Variants in NSMAF observed in about 807,000 individuals in gnomAD.
The protein encoded by NSMAF is neutral sphingomyelinase activation associated factor.
Under a neutral mutation model 134.9 loss-of-function variants are expected in NSMAF, and 90 were observed. The ratio of observed to expected loss-of-function variants is 0.67; its 90% CI spans 0.56 to 0.79. The LOEUF is 0.79. Among genes scored for constraint, NSMAF ranks in the 30% least tolerant of loss-of-function variants. The pLI is 0.00. For synonymous variants in NSMAF, 358 were observed against 389.6 expected (o/e 0.92, Z 0.96); for missense variants, 1,010 against 1,119.0 (o/e 0.90, Z 1.39).
chr8:58,585,179 A>G lies in NSMAF; in HGVS notation c.2659+473T>C, dbSNP rs1805854546. Among the ~76,000 whole-genome samples, 4 of 152,332 alleles carry G rather than the reference A, an allele frequency of 2.6e-5. No individual in the cohort carries two copies. In the South Asian group the frequency reaches 8.3e-4, roughly 32 times the overall value. ...AGAACAGTTTATTATACTTCACATAAACAATTTAATACACATATACCCTCT... is the reference window on the plus strand; with the variant it reads ...AGAACAGTTTATTATACTTCACATAGACAATTTAATACACATATACCCTCT... On this transcript the variant is annotated intron_variant, in intron 30 of 30. Coordinates refer to ENST00000038176, the MANE Select transcript of NSMAF (RefSeq NM_003580.4).
At chr8:58,601,174 AT>A (rs1016883449) in intron 16 of NSMAF, 110 bp downstream of exon 16, 24 of 914,912 alleles carry the variant, frequency 2.6e-5, no homozygotes, top group Non-Finnish European at 4.0e-5. Flanking sequence ...ACAATTAGTG[AT>A]TTTTTACATT....
intron 23 of NSMAF, among the ~76,000 whole-genome samples, chr8:58,593,285 C>T (rs892120683): frequency 2.0e-5 from 3 of 152,128 alleles, no homozygotes; most frequent in African/African-American, 7.2e-5. Context: ...CACTTCTATG[C>T]TTTGTGGAAA....
At chr8:58,624,880 C>T (rs768643372) in intron 6 of NSMAF, among the ~76,000 whole-genome samples, 3 of 152,182 alleles carry the variant, frequency 2.0e-5, no homozygotes, top group Non-Finnish European at 4.4e-5. Context: ...CTATCTATTT[C>T]TCCCTTCAGT....
intron 2 of NSMAF, among the ~76,000 whole-genome samples, chr8:58,641,045 C>T (rs920526076): frequency 1.3e-5 from 2 of 152,082 alleles, no homozygotes; most frequent in Non-Finnish European, 2.9e-5. Context: ...CCTCAGTCTC[C>T]CAAGTAGCTG....
chr8:58,635,670 T>C, intron 2 of NSMAF, 124 bp from the exon 3 acceptor site: 1 of 603,680 alleles, frequency 1.7e-6, no homozygotes, highest in African/African-American at 1.9e-5. Flanking sequence ...ATAATGCATA[T>C]AAAGAGAACG....
intron 13 of NSMAF, 113 bp from the exon 14 acceptor site, chr8:58,602,250 C>A: frequency 1.4e-6 from 1 of 726,812 alleles, no homozygotes. Flanking sequence ...AAATTGAGAG[C>A]AATCCATGAG....
Position 58,599,243 on chromosome 8 carries a change from C to A in NSMAF, c.1574G>T (p.Gly525Val), listed in dbSNP as rs1321146654. 1 of 1,613,174 alleles carries A rather than the reference C, an allele frequency of 6.2e-7. No individual in the cohort carries two copies. The change falls in exon 19 of 31, where the codon GGG (glycine) becomes GTG (valine). Residue 525 changes from glycine to valine, a missense_variant. By Grantham distance (109) the Gly-to-Val change is moderately radical. Transcript: ENST00000038176. The stretch of plus-strand genomic sequence containing the variant: ...TGAATATTACATACCATTATGGGCC[C>A]CAACTGCATCACTCCCTTTTTGTTT... Reference protein sequence around the residue: ...GYKQKGSDAVGAHNVFHPLTY... With the variant: ...GYKQKGSDAVVAHNVFHPLTY...
In NSMAF at chr8:58,607,749, A is replaced by G. The variant is rs1806439785; in HGVS notation, c.759+20T>C. The G allele has an allele frequency of 6.2e-7, 1 of 1,602,190 alleles. No homozygotes were observed. The highest frequency in any genetic ancestry group is 1.1e-5 in the South Asian group (1 of 90,862). On this transcript the variant is annotated intron_variant, in intron 11 of 30. Transcript: ENST00000038176. ...GAAAGTGTGACAATCATGCCCCAGC[A>G]CAGCCTCCCAAGGACTCACCAGAGG...
rs1022377876 is a variant in NSMAF at position 58,630,303 on chromosome 8, C to T, written c.384+1193G>A. On this transcript the variant is annotated intron_variant, in intron 6 of 30. Coordinates refer to ENST00000038176, the MANE Select transcript of NSMAF (RefSeq NM_003580.4). Reference sequence around the variant, plus strand: ...TCCTATTCTGCCATCTTGCTGCTGTCATTCCACCTCACCCTTTTTTTTTTT... The same window carrying T: ...TCCTATTCTGCCATCTTGCTGCTGTTATTCCACCTCACCCTTTTTTTTTTT... Among the ~76,000 whole-genome samples the T allele has an allele frequency of 2.0e-5, 3 of 151,732 alleles. No individual in the cohort carries two copies. In the East Asian group the frequency reaches 5.8e-4, roughly 29 times the overall value.
At chr8:58,594,357 T>C in intron 22 of NSMAF, 67 bp from the exon 23 acceptor site, 1 of 1,383,782 alleles carries the variant, frequency 7.2e-7, no homozygotes. Flanking sequence ...TTGTTTCATA[T>C]CCTTGATTTA....
chr8:58,655,126 A>C (rs1262330234), intron 1 of NSMAF, among the ~76,000 whole-genome samples: 1 of 152,026 alleles, frequency 6.6e-6, no homozygotes, highest in Non-Finnish European at 1.5e-5. Context: ...GGCATGAGGC[A>C]CCACACCTGG....
chr8:58,587,784 G>A, intron 26 of NSMAF, 83 bp from the exon 27 acceptor site: 1 of 1,148,778 alleles, frequency 8.7e-7, no homozygotes, highest in African/African-American at 1.5e-5. Context: ...AAACTCCTAT[G>A]CTCAATTTCC....
At chr8:58,608,069 C>A (rs1224389591) in intron 10 of NSMAF, among the ~76,000 whole-genome samples, 1 of 152,192 alleles carries the variant, frequency 6.6e-6, no homozygotes, top group Non-Finnish European at 1.5e-5. Flanking sequence ...TGGCACCCTG[C>A]AAATGATAAT....
At chr8:58,620,207 A>T (rs1806753933) in intron 9 of NSMAF, among the ~76,000 whole-genome samples, 1 of 152,238 alleles carries the variant, frequency 6.6e-6, no homozygotes, top group East Asian at 1.9e-4. Context: ...TTGCAACTTG[A>T]AGTCTCAGGA....
chr8:58,648,998 A>G (rs1183060661), intron 1 of NSMAF, among the ~76,000 whole-genome samples: 1 of 152,228 alleles, frequency 6.6e-6, no homozygotes, highest in Non-Finnish European at 1.5e-5. Context: ...AGACTCAACA[A>G]TGGTAGAGCC....
chr8:58,647,939 C>A (rs548186002), intron 1 of NSMAF, among the ~76,000 whole-genome samples: 1 of 152,172 alleles, frequency 6.6e-6, no homozygotes, highest in African/African-American at 2.4e-5. Context: ...AACAGGGTAA[C>A]AGGCAGAAGC....
In NSMAF at chr8:58,584,023, C is replaced by T. The variant is rs1357148589; in HGVS notation, c.*83G>A. The T allele has an allele frequency of 9.6e-7, 1 of 1,046,332 alleles. No homozygotes were observed. Among genetic ancestry groups the T allele is most frequent in the Non-Finnish European group, 1.5e-6 (1 of 669,966 alleles). The allele number at this position is 1,046,332 out of a possible 1,614,324, so 64.8% of individuals were successfully genotyped here. A position where few individuals can be genotyped will look rare whatever the true frequency, so the allele number is the denominator to read the frequency against. ...GTAAAACTTCTAATTACTAACATTG[C>T]ACATTCACCAGTCCGTTTAAAAGTT... On this transcript the variant is annotated 3_prime_UTR_variant, in exon 31 of 31. Coordinates refer to ENST00000038176, the MANE Select transcript of NSMAF (RefSeq NM_003580.4).
At chr8:58,645,914 G>A (rs1165262657) in intron 1 of NSMAF, among the ~76,000 whole-genome samples, 9 of 152,120 alleles carry the variant, frequency 5.9e-5, no homozygotes, top group East Asian at 1.9e-4. Flanking sequence ...GGTGGCGGGC[G>A]CCTATAATCC....
chr8:58,623,987 G>A lies in NSMAF; in HGVS notation c.385-207C>T, dbSNP rs1482964258. Among the ~76,000 whole-genome samples, 3 of 150,552 alleles carry A rather than the reference G, an allele frequency of 2.0e-5. No individual in the cohort carries two copies. The East Asian group carries it at 5.8e-4, about 29-fold the overall frequency. On this transcript the variant is annotated intron_variant, in intron 6 of 30. Coordinates refer to ENST00000038176, the MANE Select transcript of NSMAF (RefSeq NM_003580.4). ...TATTTCCTTCCTTCTTCTAACTTTG[G>A]GTTTAGTTTGCCCTTCTTGTTCCAA...
Sources: allele counts gnomAD v4.1 joint callset (sites outside exome capture counted in the v4.1 genomes callset), GRCh38; gene constraint gnomAD v4.1.1; transcripts MANE v1.5; gene names NCBI Gene and HGNC (gene_info 2026-07-23, HGNC 2026-07-21).